Variants in CCDC85A observed in about 807,000 individuals in gnomAD.
The protein encoded by CCDC85A is coiled-coil domain containing 85A.
In CCDC85A, 38 loss-of-function variants were observed where a neutral mutation model predicts 50.2. The ratio of observed to expected loss-of-function variants is 0.76; its 90% CI spans 0.58 to 0.99. The LOEUF is 0.99. Ranked by LOEUF, CCDC85A falls within the 50% of genes least tolerant of loss-of-function variation. CCDC85A has a pLI of 0.00. For synonymous variants in CCDC85A, 366 were observed against 301.4 expected (o/e 1.21, Z -2.22); for missense variants, 820 against 742.0 (o/e 1.11, Z -1.22).
intron 1 of CCDC85A, among the ~76,000 whole-genome samples, chr2:56,185,135 G>T (rs911100178): frequency 1.3e-5 from 2 of 152,312 alleles, no homozygotes; most frequent in Middle Eastern, 3.4e-3. Flanking sequence ...GTTCGGGGAG[G>T]CGCTGAGGAC....
intron 2 of CCDC85A, among the ~76,000 whole-genome samples, chr2:56,225,089 A>C (rs1351723707): frequency 1.3e-5 from 2 of 149,660 alleles, no homozygotes; most frequent in African/African-American, 2.5e-5. Flanking sequence ...ATTTTTGTTC[A>C]TTTTTTTTTT....
At chr2:56,270,880 A>G (rs79280718) in intron 2 of CCDC85A, among the ~76,000 whole-genome samples, 84 of 152,356 alleles carry the variant, frequency 5.5e-4, no homozygotes, top group African/African-American at 1.9e-3. Flanking sequence ...AGTTCAAGTC[A>G]GCTTCGATGG....
At chr2:56,292,862 A>G (rs536404771) in intron 2 of CCDC85A, among the ~76,000 whole-genome samples, 1 of 152,326 alleles carries the variant, frequency 6.6e-6, no homozygotes, top group East Asian at 1.9e-4. Flanking sequence ...TGAACATGAG[A>G]TAGTGTGCAA....
At chr2:56,354,105 A>C (rs1182617476) in intron 3 of CCDC85A, among the ~76,000 whole-genome samples, 1 of 152,254 alleles carries the variant, frequency 6.6e-6, no homozygotes, top group East Asian at 1.9e-4. Context: ...TGCCTACAAT[A>C]AAAGGAGGCA....
intron 2 of CCDC85A, among the ~76,000 whole-genome samples, chr2:56,284,330 A>G (rs1299017035): frequency 6.6e-6 from 1 of 152,074 alleles, no homozygotes; most frequent in Non-Finnish European, 1.5e-5. Flanking sequence ...GAATATAGTG[A>G]TTTCTAAATG....
chr2:56,338,954 CTG>C (rs1674220032), intron 2 of CCDC85A, among the ~76,000 whole-genome samples: 1 of 152,096 alleles, frequency 6.6e-6, no homozygotes, highest in African/African-American at 2.4e-5. Context: ...GATATTCTTC[CTG>C]TGTTTTACCC....
At chr2:56,325,908 C>G (rs184153303) in intron 2 of CCDC85A, among the ~76,000 whole-genome samples, 1 of 152,150 alleles carries the variant, frequency 6.6e-6, no homozygotes, top group Non-Finnish European at 1.5e-5. Flanking sequence ...AAAGGCACCA[C>G]TGAACTGATT....
At chr2:56,340,112 T>C (rs1243812184) in intron 2 of CCDC85A, among the ~76,000 whole-genome samples, 1 of 152,192 alleles carries the variant, frequency 6.6e-6, no homozygotes, top group African/African-American at 2.4e-5. Flanking sequence ...CTGCACACTA[T>C]TTTGGAAAAC....
At chr2:56,321,436 T>C (rs1026914300) in intron 2 of CCDC85A, among the ~76,000 whole-genome samples, 2 of 152,226 alleles carry the variant, frequency 1.3e-5, no homozygotes, top group South Asian at 4.1e-4. Flanking sequence ...TAAGCAACTT[T>C]AGCAAAGTCT....
chr2:56,251,747 A>G (rs1407626502), intron 2 of CCDC85A, among the ~76,000 whole-genome samples: 18 of 150,400 alleles, frequency 1.2e-4, no homozygotes, highest in Admixed American at 1.2e-3. Context: ...TGCCTTCTTG[A>G]GCATCATGGG....
At chr2:56,333,719 A>C (rs1673934046) in intron 2 of CCDC85A, among the ~76,000 whole-genome samples, 1 of 152,126 alleles carries the variant, frequency 6.6e-6, no homozygotes, top group South Asian at 2.1e-4. Flanking sequence ...GGTAGGGTCA[A>C]AAAAAATTTC....
chr2:56,379,116 C>T (rs142767385), intron 5 of CCDC85A, among the ~76,000 whole-genome samples: 1 of 152,110 alleles, frequency 6.6e-6, no homozygotes, highest in South Asian at 2.1e-4. Flanking sequence ...TATTCCAAGA[C>T]ATTTTGCTTT....
chr2:56,268,594 CAA>C (rs59245276), intron 2 of CCDC85A, among the ~76,000 whole-genome samples: 4 of 102,790 alleles, frequency 3.9e-5, no homozygotes. Flanking sequence ...GATTCCGTCT[CAA>C]AAAAAAAAAA....
At position 56,184,359 on chromosome 2, in the gene CCDC85A, G is replaced by T; in HGVS notation, c.-266G>T. On this transcript the variant is annotated 5_prime_UTR_variant, in exon 1 of 6. The change abolishes an upstream ATG in the 5' untranslated region. Coordinates refer to ENST00000407595, the MANE Select transcript of CCDC85A (RefSeq NM_001080433.2). Reference sequence around the variant, plus strand: ...CGGGCTCCCCAGTGCCCCTCACCATGGACTTGCGCGGAGTTGGGACGGGCC... The same window carrying T: ...CGGGCTCCCCAGTGCCCCTCACCATTGACTTGCGCGGAGTTGGGACGGGCC... The T allele has an allele frequency of 2.0e-6, 1 of 488,826 alleles. No homozygotes were observed. The highest frequency in any genetic ancestry group is 5.0e-5 in the Admixed American group (1 of 19,946). 30.3% of individuals were successfully genotyped at this position (488,826 alleles called of 1,614,324 possible).
chr2:56,209,048 G>C (rs1215755050), intron 2 of CCDC85A, among the ~76,000 whole-genome samples: 1 of 152,086 alleles, frequency 6.6e-6, no homozygotes, highest in Non-Finnish European at 1.5e-5. Flanking sequence ...TGGTCATGGT[G>C]TCAAATCTGG....
intron 3 of CCDC85A, among the ~76,000 whole-genome samples, chr2:56,354,236 T>A (rs946146689): frequency 6.6e-6 from 1 of 152,216 alleles, no homozygotes; most frequent in South Asian, 2.1e-4. Context: ...TTCTTTATTT[T>A]AAAATGTAGC....
chr2:56,218,128 C>A (rs1668162866), intron 2 of CCDC85A, among the ~76,000 whole-genome samples: 3 of 151,788 alleles, frequency 2.0e-5, no homozygotes, highest in Admixed American at 2.0e-4. Flanking sequence ...ATAAAATTTT[C>A]CTCAGTGAAA....
At chr2:56,320,998 A>G (rs1673154124) in intron 2 of CCDC85A, among the ~76,000 whole-genome samples, 2 of 152,192 alleles carry the variant, frequency 1.3e-5, no homozygotes, top group African/African-American at 4.8e-5. Flanking sequence ...ATGCAAATCA[A>G]TAAACGTAAT....
chr2:56,339,957 A>G (rs968510580), intron 2 of CCDC85A, among the ~76,000 whole-genome samples: 2 of 152,204 alleles, frequency 1.3e-5, no homozygotes, highest in African/African-American at 4.8e-5. Flanking sequence ...ATTAAGCTAA[A>G]AAAATGAGAG....
Sources: allele counts gnomAD v4.1 joint callset (sites outside exome capture counted in the v4.1 genomes callset), GRCh38; gene constraint gnomAD v4.1.1; transcripts MANE v1.5; gene names NCBI Gene and HGNC (gene_info 2026-07-23, HGNC 2026-07-21).